The following VPS13B variants were observed in gnomAD, a reference collection of about 807,000 sequenced individuals.
The protein encoded by VPS13B is vacuolar protein sorting 13 homolog B.
In VPS13B, 285 loss-of-function variants were observed where a neutral mutation model predicts 426.4. The ratio of observed to expected loss-of-function variants is 0.67; its 90% CI spans 0.61 to 0.74. VPS13B has a LOEUF of 0.74. Ranked by LOEUF, VPS13B falls within the 30% of genes least tolerant of loss-of-function variation. The probability of loss-of-function intolerance (pLI) is 0.00; values close to 1 mark genes in which losing one functional copy is unlikely to be tolerated. For missense variants in VPS13B, 4,537 were observed against 4,782.6 expected, an observed-to-expected ratio of 0.95 and a Z score of 1.51; for synonymous variants, 1,676 against 1,676.4, an observed-to-expected ratio of 1.00 and a Z score of 0.01.
At chr8:99,439,066 C>T (rs1817549938) in intron 22 of VPS13B, among the ~76,000 whole-genome samples, 1 of 152,062 alleles carries the variant, frequency 6.6e-6, no homozygotes, top group Non-Finnish European at 1.5e-5. Context: ...GATGAAATAG[C>T]TTGTCAAATA....
chr8:99,055,230 G>T (rs188226266), intron 3 of VPS13B, among the ~76,000 whole-genome samples: 1 of 152,174 alleles, frequency 6.6e-6, no homozygotes, highest in African/African-American at 2.4e-5. Flanking sequence ...GTAGAGACAA[G>T]GTTGTGCCAT....
chr8:99,742,999 T>C (rs1387134852), intron 39 of VPS13B, among the ~76,000 whole-genome samples: 1 of 152,060 alleles, frequency 6.6e-6, no homozygotes, highest in African/African-American at 2.4e-5. Context: ...GAGAAGGAAA[T>C]AAAGGGTATT....
chr8:99,509,861 G>A (rs1821694432), intron 28 of VPS13B, among the ~76,000 whole-genome samples: 1 of 151,924 alleles, frequency 6.6e-6, no homozygotes, highest in African/African-American at 2.4e-5. Context: ...TTTTTCAAGT[G>A]ACATTCTTTT....
At chr8:99,031,082 C>T (rs1842489306) in intron 2 of VPS13B, among the ~76,000 whole-genome samples, 1 of 151,954 alleles carries the variant, frequency 6.6e-6, no homozygotes, top group South Asian at 2.1e-4. Context: ...TCACAGTTTC[C>T]AAGAACCCAC....
chr8:99,864,440 C>T (rs1816992951), intron 58 of VPS13B, among the ~76,000 whole-genome samples: 3 of 152,076 alleles, frequency 2.0e-5, no homozygotes, highest in Admixed American at 6.6e-5. Flanking sequence ...TCCCTGTGGG[C>T]CCAGCTACTC....
chr8:99,081,892 T>A (rs1010310221), intron 3 of VPS13B, among the ~76,000 whole-genome samples: 3 of 152,134 alleles, frequency 2.0e-5, no homozygotes, highest in African/African-American at 7.2e-5. Flanking sequence ...TCCAAGTCTT[T>A]GCTGTTGTGA....
intron 35 of VPS13B, among the ~76,000 whole-genome samples, chr8:99,684,483 A>T (rs1244472796): frequency 6.6e-6 from 1 of 152,168 alleles, no homozygotes; most frequent in Non-Finnish European, 1.5e-5. Flanking sequence ...CTCTATCTCC[A>T]CATGATATCC....
chr8:99,186,114 A>T (rs1422732026), intron 16 of VPS13B, among the ~76,000 whole-genome samples: 1 of 152,150 alleles, frequency 6.6e-6, no homozygotes, highest in Non-Finnish European at 1.5e-5. Context: ...TAAAATGAAC[A>T]TATGTTCAGA....
At chr8:99,644,499 T>C (rs1344748472) in intron 34 of VPS13B, among the ~76,000 whole-genome samples, 1 of 152,132 alleles carries the variant, frequency 6.6e-6, no homozygotes, top group African/African-American at 2.4e-5. Flanking sequence ...ACCTTGTATG[T>C]AAACTGACGT....
At chr8:99,392,822 A>G (rs569488697) in intron 21 of VPS13B, among the ~76,000 whole-genome samples, 2 of 152,270 alleles carry the variant, frequency 1.3e-5, no homozygotes, top group South Asian at 4.1e-4. Context: ...CCACCTGTCC[A>G]TAGCCACAAG....
intron 17 of VPS13B, among the ~76,000 whole-genome samples, chr8:99,201,034 T>G (rs1354324228): frequency 6.6e-6 from 1 of 152,116 alleles, no homozygotes; most frequent in Non-Finnish European, 1.5e-5. Context: ...TCCTTCTTGG[T>G]CTTATTCTTT....
chr8:99,840,926 C>T lies in VPS13B; in HGVS notation c.9942+5188C>T, dbSNP rs555667950. Among the ~76,000 whole-genome samples the T allele has an allele frequency of 2.6e-5, 4 of 152,332 alleles. No individual in the cohort carries two copies. The South Asian group carries it at 8.3e-4, about 32-fold the overall frequency. ...ATTTTGACTTCTTGCTTACTTCGCT[C>T]ACCTTCCCAGTACTCCAGGGCACAG... On this transcript the variant is annotated intron_variant, in intron 54 of 61. Coordinates refer to ENST00000357162, the MANE Select transcript of VPS13B (RefSeq NM_152564.5).
intron 22 of VPS13B, among the ~76,000 whole-genome samples, chr8:99,441,586 G>A (rs1011156484): frequency 6.6e-5 from 10 of 152,010 alleles, no homozygotes; most frequent in African/African-American, 2.4e-4. Context: ...TATAAGCACC[G>A]CTAAGACAAA....
chr8:99,238,108 C>CT (rs1157044085), intron 17 of VPS13B, among the ~76,000 whole-genome samples: 1 of 152,052 alleles, frequency 6.6e-6, no homozygotes, highest in Non-Finnish European at 1.5e-5. Context: ...ATCTAGTTTA[C>CT]TTTTCTTTAT....
intron 43 of VPS13B, among the ~76,000 whole-genome samples, chr8:99,785,467 T>G (rs1812211783): frequency 6.6e-6 from 1 of 152,180 alleles, no homozygotes; most frequent in African/African-American, 2.4e-5. Context: ...GCAGTATTTC[T>G]TATTTAAATA....
rs1006389421 is a variant in VPS13B, at chr8:99,020,087, C to T, written c.147+6152C>T. ...CACAATGATTGCATTGTTTTACATTCCTACCAGCAATGTGCAAAGGTTCGA... is the reference window on the plus strand; with the variant it reads ...CACAATGATTGCATTGTTTTACATTTCTACCAGCAATGTGCAAAGGTTCGA... On this transcript the variant is annotated intron_variant, in intron 2 of 61. Transcript: ENST00000357162. Among the ~76,000 whole-genome samples the T allele has an allele frequency of 5.9e-5, 9 of 151,708 alleles. No homozygotes were observed. The South Asian group carries it at 1.7e-3, about 28-fold the overall frequency.
chr8:99,818,027 G>T (rs768805327), intron 45 of VPS13B, among the ~76,000 whole-genome samples: 1 of 152,122 alleles, frequency 6.6e-6, no homozygotes. Flanking sequence ...CCTCCCAGAC[G>T]CAAGTGATAT....
At chr8:99,802,164 AAAAC>A (rs1328829496) in intron 43 of VPS13B, among the ~76,000 whole-genome samples, 3 of 152,060 alleles carry the variant, frequency 2.0e-5, no homozygotes, top group Non-Finnish European at 4.4e-5. Flanking sequence ...AAAAAAAAAA[AAAAC>A]AAGCTGTGGC....
intron 39 of VPS13B, among the ~76,000 whole-genome samples, chr8:99,763,616 A>G (rs1038303479): frequency 2.0e-5 from 3 of 152,252 alleles, no homozygotes; most frequent in East Asian, 1.9e-4. Context: ...GTGGTATTCT[A>G]TTTGGTTATG....
Sources: gnomAD v4.1 joint callset for allele counts (sites outside exome capture counted in the v4.1 genomes callset) on GRCh38, gnomAD v4.1.1 for gene constraint, MANE v1.5 for transcripts, NCBI Gene and HGNC (gene_info 2026-07-23, HGNC 2026-07-21) for gene names.